Variants in DNAH9 observed in about 807,000 individuals in gnomAD.
DNAH9 encodes DNAH9 variant protein.
A neutral mutation model predicts 471.6 loss-of-function variants in DNAH9; 345 were observed. That is an observed-to-expected ratio of 0.73 (90% CI 0.67 to 0.80). The LOEUF (loss-of-function observed/expected upper bound fraction) is 0.80, where lower values mean the gene tolerates loss of function less well. Ranked by LOEUF, DNAH9 falls within the 30% of genes least tolerant of loss-of-function variation. DNAH9 has a pLI of 0.00. For missense variants in DNAH9, 5,407 were observed against 5,609.2 expected (o/e 0.96, Z 1.15); for synonymous variants, 2,093 against 2,123.6 (o/e 0.99, Z 0.40).
At chr17:11,799,325 CT>C (rs750424117) in intron 43 of DNAH9, among the ~76,000 whole-genome samples, 1 of 152,158 alleles carries the variant, frequency 6.6e-6, no homozygotes, top group African/African-American at 2.4e-5. Context: ...ATCTCTCCCC[CT>C]ACCATGTCTT....
chr17:11,891,362 T>G (rs1973043746), intron 57 of DNAH9, among the ~76,000 whole-genome samples: 1 of 152,170 alleles, frequency 6.6e-6, no homozygotes, highest in African/African-American at 2.4e-5. Flanking sequence ...CTTTGGTTTT[T>G]TTTGTTTGTT....
intron 48 of DNAH9, among the ~76,000 whole-genome samples, chr17:11,831,944 C>CA (rs1970699880): frequency 6.6e-6 from 1 of 152,208 alleles, no homozygotes; most frequent in Non-Finnish European, 1.5e-5. Context: ...CATTTACTAC[C>CA]ATGGTCCCGA....
intron 14 of DNAH9, among the ~76,000 whole-genome samples, chr17:11,654,667 C>T (rs929739333): frequency 5.3e-5 from 8 of 152,032 alleles, no homozygotes; most frequent in African/African-American, 1.7e-4. Context: ...ATAATTCTTA[C>T]TATAACACAA....
intron 65 of DNAH9, among the ~76,000 whole-genome samples, chr17:11,934,937 C>T (rs1290707864): frequency 6.6e-6 from 1 of 152,092 alleles, no homozygotes; most frequent in Non-Finnish European, 1.5e-5. Context: ...CATACGTATG[C>T]CACAGTCAGC....
intron 20 of DNAH9, 23 bp from the exon 21 acceptor site, chr17:11,693,845 T>C (rs1442780874): frequency 8.1e-6 from 13 of 1,614,006 alleles, no homozygotes; most frequent in South Asian, 6.6e-5. Flanking sequence ...GGTGGTTAAT[T>C]GCTTCCACAT....
intron 8 of DNAH9, among the ~76,000 whole-genome samples, chr17:11,635,247 A>G (rs1333468242): frequency 4.0e-5 from 6 of 151,638 alleles, no homozygotes; most frequent in Non-Finnish European, 7.4e-5. Context: ...ACTCACTGCA[A>G]CCTATGCCTT....
In DNAH9 at chr17:11,669,084, C is replaced by T. The variant is rs774548615; in HGVS notation, c.2752C>T (p.Pro918Ser). ...ENTECKAGLT[P>S]IFEAQLSLAI... ...TTCAGAGTGTAAGGCAGGACTTACC[C>T]CAATATTTGAAGCACAACTGAGTCT... Residue 918 changes from proline (P) to serine (S), a missense_variant, in exon 16 of 69, where the codon CCA becomes TCA. By Grantham distance (74) the Pro-to-Ser change is moderately conservative (BLOSUM62 -1). Around this residue, in one of 3 missense-constraint regions of DNAH9, gnomAD observed 4,636 missense variants for 4,900.3 expected, o/e 0.95. Coordinates refer to ENST00000262442, the MANE Select transcript of DNAH9 (RefSeq NM_001372.4). 3 of 1,613,052 alleles carry T rather than the reference C, an allele frequency of 1.9e-6. No individual in the cohort carries two copies. Among genetic ancestry groups the T allele is most frequent in the Non-Finnish European group, 2.5e-6 (3 of 1,179,396 alleles).
intron 27 of DNAH9, among the ~76,000 whole-genome samples, chr17:11,724,854 T>C (rs528357333): frequency 2.0e-5 from 3 of 152,318 alleles, no homozygotes; most frequent in East Asian, 1.9e-4. Context: ...CATTGTAATA[T>C]ACAATGAAAT....
chr17:11,774,035 C>T (rs1968324184), intron 38 of DNAH9, among the ~76,000 whole-genome samples: 1 of 152,060 alleles, frequency 6.6e-6, no homozygotes, highest in African/African-American at 2.4e-5. Context: ...ACTCAGGAGG[C>T]TGAGGCAGGA....
chr17:11,655,351 G>GGTGTGT (rs144975414), intron 14 of DNAH9, among the ~76,000 whole-genome samples: 97 of 147,822 alleles, frequency 6.6e-4, no homozygotes, highest in South Asian at 2.7e-3. Context: ...AGCATTCCAT[G>GGTGTGT]GTGTGTGTGT....
intron 32 of DNAH9, among the ~76,000 whole-genome samples, chr17:11,748,626 A>G (rs1251498483): frequency 1.3e-5 from 2 of 152,134 alleles, no homozygotes; most frequent in African/African-American, 4.8e-5. Flanking sequence ...CTAGAGCCAT[A>G]TTCCTTTCTA....
At chr17:11,857,753 G>C (rs1326606098) in intron 50 of DNAH9, among the ~76,000 whole-genome samples, 3 of 152,166 alleles carry the variant, frequency 2.0e-5, no homozygotes, top group Non-Finnish European at 4.4e-5. Flanking sequence ...ATCCTTTATA[G>C]TTTGGTGCTG....
intron 28 of DNAH9, among the ~76,000 whole-genome samples, chr17:11,728,843 T>C (rs1597554632): frequency 6.6e-6 from 1 of 152,296 alleles, no homozygotes. Context: ...ATTATGTATG[T>C]GGAAAAGCTG....
intron 14 of DNAH9, among the ~76,000 whole-genome samples, chr17:11,659,428 G>C (rs914064750): frequency 4.6e-5 from 7 of 152,038 alleles, no homozygotes; most frequent in Non-Finnish European, 7.4e-5. Context: ...TGTGCCAAAG[G>C]GTGGAAGGCT....
intron 61 of DNAH9, among the ~76,000 whole-genome samples, chr17:11,915,246 C>T (rs867303203): frequency 6.6e-6 from 1 of 152,098 alleles, no homozygotes; most frequent in African/African-American, 2.4e-5. Context: ...GACTTCCCAG[C>T]TGGGTGCAGT....
chr17:11,729,278 C>G (rs1037246615), intron 28 of DNAH9, among the ~76,000 whole-genome samples: 7 of 152,082 alleles, frequency 4.6e-5, no homozygotes, highest in Non-Finnish European at 8.8e-5. Context: ...TTCCACATGC[C>G]TCCCTGCAGG....
At chr17:11,920,035 C>CTTTTTTTT (rs1165405913) in intron 61 of DNAH9, among the ~76,000 whole-genome samples, 43 of 135,942 alleles carry the variant, frequency 3.2e-4, no homozygotes, top group East Asian at 6.9e-4. Context: ...TAAGTTCTTT[C>CTTTTTTTT]TTTTTTTTTT....
intron 2 of DNAH9, 100 bp downstream of exon 2, chr17:11,608,425 TCTC>T (rs962008135): frequency 2.2e-6 from 2 of 902,158 alleles, no homozygotes; most frequent in African/African-American, 1.7e-5. Flanking sequence ...ACTCTGCACA[TCTC>T]CTCGTTCTGC....
intron 26 of DNAH9, among the ~76,000 whole-genome samples, chr17:11,718,364 C>T (rs1306466421): frequency 3.3e-5 from 5 of 152,226 alleles, no homozygotes; most frequent in Admixed American, 3.3e-4. Flanking sequence ...TAGCTTTTTG[C>T]TGTTATGAAT....
Sources: gnomAD v4.1 joint callset for allele counts (sites outside exome capture counted in the v4.1 genomes callset) on GRCh38, gnomAD v4.1.1 for gene constraint, gnomAD v4.1.1 regional missense constraint, MANE v1.5 for transcripts, NCBI Gene and HGNC (gene_info 2026-07-23, HGNC 2026-07-21) for gene names.